The following SEL1L variants were observed in gnomAD, a reference collection of about 807,000 sequenced individuals.
The protein encoded by SEL1L is SEL1L adaptor subunit of SYVN1 ubiquitin ligase.
In SEL1L, 52 loss-of-function variants were observed where a neutral mutation model predicts 109.8. That is an observed-to-expected ratio of 0.47 (90% CI 0.38 to 0.60). SEL1L has a LOEUF of 0.60. Among genes scored for constraint, SEL1L ranks in the 20% least tolerant of loss-of-function variants. The probability of loss-of-function intolerance (pLI) is 0.00; values close to 1 mark genes in which losing one functional copy is unlikely to be tolerated. For synonymous variants in SEL1L, 373 were observed against 339.6 expected (o/e 1.10, Z -1.08); for missense variants, 749 against 962.2 (o/e 0.78, Z 2.93).
At chr14:81,497,464 C>T (rs1427730971) in intron 10 of SEL1L, among the ~76,000 whole-genome samples, 1 of 152,112 alleles carries the variant, frequency 6.6e-6, no homozygotes, top group Non-Finnish European at 1.5e-5. Context: ...TTTAGATGAG[C>T]CAAAGAAACA....
Position 81,518,373 on chromosome 14 carries a change from A to G in SEL1L, c.340+8360T>C, listed in dbSNP as rs1297495470. Among the ~76,000 whole-genome samples the G allele has an allele frequency of 3.3e-5, 5 of 151,706 alleles. No individual in the cohort carries two copies. The South Asian group carries it at 1.0e-3, about 32-fold the overall frequency. On this transcript the variant is annotated intron_variant, in intron 3 of 20. Transcript: ENST00000336735. ...TAATAGGTAAAATGTGTTTTAAAAA[A>G]GGTAGGCCGGGTGCGGTGGCTCACT...
Position 81,533,754 on chromosome 14 carries a change from G to A in SEL1L, c.-10C>T, listed in dbSNP as rs936040849. The A allele has an allele frequency of 1.1e-5, 17 of 1,612,428 alleles. No individual in the cohort carries two copies. Among genetic ancestry groups the A allele is most frequent in the Middle Eastern group, 1.7e-4 (1 of 6,060 alleles). On this transcript the variant is annotated 5_prime_UTR_variant, in exon 1 of 21. Transcript: ENST00000336735. ...CTATCCGGACCCGCATCCTCCTCTC[G>A]GGGCCGGTGCCAACCCCTAGAGCTG...
chr14:81,527,770 C>T (rs1287529988), intron 1 of SEL1L, 32 bp from the exon 2 acceptor site: 1 of 1,513,076 alleles, frequency 6.6e-7, no homozygotes, highest in Admixed American at 1.8e-5. Flanking sequence ...ATTTAGTAAT[C>T]TTTCTTGTTG....
At chr14:81,514,149 G>C (rs1884602274) in intron 3 of SEL1L, among the ~76,000 whole-genome samples, 2 of 152,198 alleles carry the variant, frequency 1.3e-5, no homozygotes, top group East Asian at 3.9e-4. Flanking sequence ...TCACTAACCA[G>C]AAAGACACAA....
At chr14:81,510,755 G>C (rs976948430) in intron 3 of SEL1L, among the ~76,000 whole-genome samples, 1 of 151,960 alleles carries the variant, frequency 6.6e-6, no homozygotes, top group Non-Finnish European at 1.5e-5. Context: ...TCCAAACATA[G>C]AGTACTAAGT....
chr14:81,498,568 C>A (rs1883877173), intron 8 of SEL1L, 74 bp from the exon 9 acceptor site: 2 of 1,097,832 alleles, frequency 1.8e-6, no homozygotes, highest in Non-Finnish European at 2.8e-6. Context: ...ACAAATAAAG[C>A]TAAGCATACC....
intron 20 of SEL1L, chr14:81,479,234 A>G (rs948923195): frequency 2.0e-5 from 3 of 153,744 alleles, no homozygotes; most frequent in African/African-American, 7.2e-5. Context: ...GGAGGTTCTC[A>G]GATTCTTCTT....
Position 81,526,824 on chromosome 14 carries a change from C to A in SEL1L, c.249G>T (p.Glu83Asp). Residue 83 changes from glutamate (E) to aspartate (D), a missense_variant, in exon 3 of 21, where the codon GAG becomes GAT. Physicochemically the swap from Glu to Asp is conservative, Grantham distance 45. Coordinates refer to ENST00000336735, the MANE Select transcript of SEL1L (RefSeq NM_005065.6). ...TGATATCTTCTGTGACACTTTCCCC[C>A]TCTTGGCTCTTGAGGCTGTCTTCCT... ...QEEEDSLKSQ[E>D]GESVTEDISF... 6.2e-7 allele frequency: 1 copy of A among 1,605,520 alleles called. No homozygotes were observed. Among genetic ancestry groups the A allele is most frequent in the Non-Finnish European group, 8.5e-7 (1 of 1,177,274 alleles).
At chr14:81,520,627 G>A (rs1189499605) in intron 3 of SEL1L, among the ~76,000 whole-genome samples, 1 of 152,168 alleles carries the variant, frequency 6.6e-6, no homozygotes, top group Non-Finnish European at 1.5e-5. Flanking sequence ...AGAGTGAGCA[G>A]ATACCTCTCT....
chr14:81,478,789 G>C (rs966023547), intron 20 of SEL1L, among the ~76,000 whole-genome samples: 1 of 152,198 alleles, frequency 6.6e-6, no homozygotes, highest in Non-Finnish European at 1.5e-5. Flanking sequence ...GAGCAGCATG[G>C]ACTACATTTA....
chr14:81,485,769 C>T (rs762761568), intron 17 of SEL1L, 23 bp from the exon 18 acceptor site: 1 of 1,603,424 alleles, frequency 6.2e-7, no homozygotes, highest in South Asian at 1.1e-5. Flanking sequence ...AAATGAAATA[C>T]AAATCAGGCA....
intron 3 of SEL1L, among the ~76,000 whole-genome samples, chr14:81,517,478 C>T (rs975003862): frequency 3.9e-5 from 6 of 152,082 alleles, no homozygotes; most frequent in African/African-American, 1.4e-4. Context: ...GGGGAGGTAA[C>T]AATCCAGCAG....
chr14:81,477,243 A>G lies in SEL1L; in HGVS notation c.2176-62T>C, dbSNP rs916050686. The G allele has an allele frequency of 3.0e-5, 40 of 1,334,752 alleles. No homozygotes were observed. In the African/African-American group the frequency reaches 5.5e-4, roughly 18 times the overall value. The allele number at this position is 1,334,752 out of a possible 1,614,324, so 82.7% of individuals were successfully genotyped here. A position where few individuals can be genotyped will look rare whatever the true frequency, so the allele number is the denominator to read the frequency against. On this transcript the variant is annotated intron_variant, in intron 20 of 20. Transcript: ENST00000336735. ...AAAATGTCAGGCAAGGAACTGGGAA[A>G]GTTACATCACCAGAAGTAAGTACAG...
At chr14:81,514,384 T>C (rs1227947666) in intron 3 of SEL1L, among the ~76,000 whole-genome samples, 2 of 152,230 alleles carry the variant, frequency 1.3e-5, no homozygotes, top group African/African-American at 2.4e-5. Flanking sequence ...TTTCAGGGCA[T>C]AACATCTTTA....
intron 14 of SEL1L, chr14:81,488,925 C>T: frequency 3.3e-6 from 1 of 305,002 alleles, no homozygotes. Flanking sequence ...TGCATTTTGT[C>T]AGGATTGAGT....
chr14:81,514,741 C>T (rs533183232), intron 3 of SEL1L, among the ~76,000 whole-genome samples: 1 of 152,128 alleles, frequency 6.6e-6, no homozygotes, highest in Non-Finnish European at 1.5e-5. Flanking sequence ...GGGAAACAGG[C>T]ATCAATAGGC....
At chr14:81,521,372 G>T (rs935086202) in intron 3 of SEL1L, among the ~76,000 whole-genome samples, 1 of 152,034 alleles carries the variant, frequency 6.6e-6, no homozygotes, top group African/African-American at 2.4e-5. Context: ...AGTTACGAAA[G>T]ATCACCAGGA....
chr14:81,489,363 A>C, intron 13 of SEL1L, 49 bp from the exon 14 acceptor site: 3 of 1,407,994 alleles, frequency 2.1e-6, no homozygotes, highest in Non-Finnish European at 3.0e-6. Context: ...TTCATTCAAA[A>C]ATAGGCAAGA....
At position 81,486,249 on chromosome 14, in the gene SEL1L, G is replaced by C. The variant is rs755766992; in HGVS notation, c.1798+40C>G. ...TTAAACAGTTTACTGGTGTGAACTCGTACATTCTAAACCTAAGGCAGGACT... is the reference window on the plus strand; with the variant it reads ...TTAAACAGTTTACTGGTGTGAACTCCTACATTCTAAACCTAAGGCAGGACT... On this transcript the variant is annotated intron_variant, in intron 17 of 20. Coordinates refer to ENST00000336735, the MANE Select transcript of SEL1L (RefSeq NM_005065.6). 1.9e-6 allele frequency: 3 copies of C among 1,599,260 alleles called. No individual in the cohort carries two copies. In the East Asian group the frequency reaches 6.7e-5, roughly 36 times the overall value.
Sources: gnomAD v4.1 joint callset for allele counts (sites outside exome capture counted in the v4.1 genomes callset) on GRCh38, gnomAD v4.1.1 for gene constraint, MANE v1.5 for transcripts, NCBI Gene and HGNC (gene_info 2026-07-23, HGNC 2026-07-21) for gene names.